The following MECOM variants were observed in gnomAD, a reference collection of about 807,000 sequenced individuals.
MECOM encodes the protein MDS1 and EVI1 complex locus, also known as histone-lysine N-methyltransferase MECOM.
MECOM carries 13 observed loss-of-function variants against 116.3 expected under a neutral mutation model. That is an observed-to-expected ratio of 0.11 (90% CI 0.07 to 0.18). MECOM has a LOEUF of 0.18. Ranked by LOEUF, MECOM falls within the 10% of genes least tolerant of loss-of-function variation. MECOM has a pLI of 1.00. For missense variants in MECOM, 1,299 were observed against 1,509.0 expected (o/e 0.86, Z 2.31); for synonymous variants, 528 against 535.2 (o/e 0.99, Z 0.19).
chr3:169,599,275 GAA>G (rs1767532759), intron 1 of MECOM, among the ~76,000 whole-genome samples: 1 of 152,136 alleles, frequency 6.6e-6, no homozygotes, highest in Non-Finnish European at 1.5e-5. Flanking sequence ...CAGCACTTTG[GAA>G]GGCCGAGGCG....
At chr3:169,496,449 C>G (rs1287953250) in intron 1 of MECOM, among the ~76,000 whole-genome samples, 1 of 152,134 alleles carries the variant, frequency 6.6e-6, no homozygotes, top group South Asian at 2.1e-4. Flanking sequence ...TCACCATGAT[C>G]CATACCTCAT....
At chr3:169,513,074 T>C (rs1306686001) in intron 1 of MECOM, among the ~76,000 whole-genome samples, 1 of 152,226 alleles carries the variant, frequency 6.6e-6, no homozygotes, top group African/African-American at 2.4e-5. Context: ...CTGCCAAATG[T>C]GACTTATTTT....
At chr3:169,442,212 C>G (rs1473001841) in intron 1 of MECOM, among the ~76,000 whole-genome samples, 1 of 152,216 alleles carries the variant, frequency 6.6e-6, no homozygotes, top group East Asian at 1.9e-4. Flanking sequence ...AGGCATGAGC[C>G]ACCATATCCA....
chr3:169,150,838 G>A (rs530530386), intron 2 of MECOM, among the ~76,000 whole-genome samples: 77 of 152,268 alleles, frequency 5.1e-4, no homozygotes, highest in Non-Finnish European at 8.8e-4. Flanking sequence ...TTTGGCTGAT[G>A]GCAGGGCTGG....
At chr3:169,575,442 T>C (rs1764379168) in intron 1 of MECOM, among the ~76,000 whole-genome samples, 1 of 152,046 alleles carries the variant, frequency 6.6e-6, no homozygotes, top group South Asian at 2.1e-4. Context: ...GCCAGCACTG[T>C]CTCCCCAGAG....
chr3:169,347,059 G>T (rs1336596057), intron 2 of MECOM, among the ~76,000 whole-genome samples: 3 of 152,044 alleles, frequency 2.0e-5, no homozygotes, highest in African/African-American at 7.2e-5. Context: ...TTCTCTACAT[G>T]TGGATATGGA....
intron 1 of MECOM, among the ~76,000 whole-genome samples, chr3:169,524,197 T>C (rs1757714000): frequency 6.6e-6 from 1 of 152,010 alleles, no homozygotes; most frequent in Non-Finnish European, 1.5e-5. Context: ...AATATAGGAA[T>C]GTGGAAACTA....
At chr3:169,378,575 AAAGAAAGAAAGT>A (rs748317207) in intron 2 of MECOM, among the ~76,000 whole-genome samples, 10,473 of 112,292 alleles carry the variant, frequency 0.093, 1,638 homozygotes, top group Middle Eastern at 0.14. Context: ...AGAAAGAAAG[AAAGAAAGAAAGT>A]AAGTAAGTAA....
chr3:169,117,687 C>G (rs2149089815), intron 7 of MECOM, among the ~76,000 whole-genome samples: 1 of 152,356 alleles, frequency 6.6e-6, no homozygotes, highest in Admixed American at 6.5e-5. Flanking sequence ...TTGGATGCAG[C>G]TGTGAAATAT....
At chr3:169,296,998 A>G (rs1006446688) in intron 2 of MECOM, among the ~76,000 whole-genome samples, 4 of 152,228 alleles carry the variant, frequency 2.6e-5, no homozygotes, top group Non-Finnish European at 5.9e-5. Context: ...TCACAACAAC[A>G]TCTGTACAAA....
chr3:169,481,283 G>C (rs377212515), intron 1 of MECOM, among the ~76,000 whole-genome samples: 5 of 152,054 alleles, frequency 3.3e-5, no homozygotes, highest in African/African-American at 1.2e-4. Context: ...TGTTGGGATT[G>C]GCAATTTTAA....
intron 2 of MECOM, among the ~76,000 whole-genome samples, chr3:169,271,481 A>T (rs957314147): frequency 1.3e-5 from 2 of 152,196 alleles, no homozygotes; most frequent in African/African-American, 4.8e-5. Context: ...ACAATAACCA[A>T]AAAAGACTTT....
chr3:169,486,172 T>C (rs1409762695), intron 1 of MECOM, among the ~76,000 whole-genome samples: 1 of 150,552 alleles, frequency 6.6e-6, no homozygotes, highest in Non-Finnish European at 1.5e-5. Flanking sequence ...TAAAAGCAAA[T>C]CAACAAACAA....
intron 1 of MECOM, among the ~76,000 whole-genome samples, chr3:169,502,330 C>G (rs1754639341): frequency 6.6e-6 from 1 of 152,090 alleles, no homozygotes; most frequent in Admixed American, 6.6e-5. Flanking sequence ...GTGGCAGAAT[C>G]CATATCAGAT....
At position 169,122,616 on chromosome 3, in the gene MECOM, G is replaced by A. The variant is rs1218341508; in HGVS notation, c.942C>T (p.Asp314=). ...TTTCACATTCATAGTGCTTTCCACT[G>A]TCATGTGACATCTGGTGGCGAATTA... The part of the protein sequence containing the change: ...SNLIRHQMSH[D]SGKHYECENC... Residue 314 remains aspartate (D), a synonymous_variant, in exon 6 of 17, where the codon GAC becomes GAT. Transcript: ENST00000651503. 6.2e-7 allele frequency: 1 copy of A among 1,614,006 alleles called. No homozygotes were observed. The highest frequency in any genetic ancestry group is 8.5e-7 in the Non-Finnish European group (1 of 1,179,914).
intron 2 of MECOM, among the ~76,000 whole-genome samples, chr3:169,269,973 T>G (rs184816635): frequency 0.013 from 1,970 of 152,110 alleles, 22 homozygotes; most frequent in Non-Finnish European, 0.02. Context: ...TAAAGGTGTG[T>G]GTGTGTGTGT....
At chr3:169,373,651 A>G (rs1301784868) in intron 2 of MECOM, among the ~76,000 whole-genome samples, 1 of 152,028 alleles carries the variant, frequency 6.6e-6, no homozygotes, top group Non-Finnish European at 1.5e-5. Context: ...TAATAATCAC[A>G]TCATGGAAAA....
intron 2 of MECOM, among the ~76,000 whole-genome samples, chr3:169,332,315 T>A (rs1243619775): frequency 6.6e-6 from 1 of 152,088 alleles, no homozygotes; most frequent in Non-Finnish European, 1.5e-5. Context: ...ATTTTTTTTT[T>A]CTCCCTGCAA....
intron 1 of MECOM, among the ~76,000 whole-genome samples, chr3:169,657,144 G>T (rs1229805552): frequency 6.6e-6 from 1 of 152,224 alleles, no homozygotes; most frequent in African/African-American, 2.4e-5. Context: ...CATCAGTGAG[G>T]CTCTCTGTCC....
Sources: gnomAD v4.1 joint callset for allele counts (sites outside exome capture counted in the v4.1 genomes callset) on GRCh38, gnomAD v4.1.1 for gene constraint, MANE v1.5 for transcripts, NCBI Gene and HGNC (gene_info 2026-07-23, HGNC 2026-07-21) for gene names.